ICE1: variants seen among roughly 807,000 people sequenced by gnomAD.
ICE1 encodes little elongation complex subunit 1.
A neutral mutation model predicts 192.7 loss-of-function variants in ICE1; 64 were observed. That is an observed-to-expected ratio of 0.33 (90% CI 0.27 to 0.41). ICE1 has a LOEUF of 0.41. Among genes scored for constraint, ICE1 ranks in the 10% least tolerant of loss-of-function variants. The pLI, the probability that ICE1 is intolerant of heterozygous loss-of-function variation, is 1.00. For synonymous variants in ICE1, 1,010 were observed against 984.5 expected, an observed-to-expected ratio of 1.03 and a Z score of -0.49; for missense variants, 2,708 against 2,696.0, an observed-to-expected ratio of 1.00 and a Z score of -0.10.
intron 7 of ICE1, 136 bp from the exon 8 acceptor site, chr5:5,447,291 C>T: frequency 1.6e-6 from 1 of 634,996 alleles, no homozygotes. Context: ...GGAGCAATGG[C>T]TTTTTACGAA....
At chr5:5,488,566 A>G (rs1739689317) in intron 18 of ICE1, among the ~76,000 whole-genome samples, 1 of 152,228 alleles carries the variant, frequency 6.6e-6, no homozygotes, top group East Asian at 1.9e-4. Flanking sequence ...TGAAATTTTC[A>G]TAACTCTGAA....
In ICE1 at chr5:5,464,877, T is replaced by G. The variant is rs527778383; in HGVS notation, c.5543T>G (p.Leu1848Arg). Reference sequence around the variant, plus strand: ...TCTACACTGAGAAGTGCTAAAAGACTGCGCCTGGACACTGGGTCCCCAGAA... The same window carrying G: ...TCTACACTGAGAAGTGCTAAAAGACGGCGCCTGGACACTGGGTCCCCAGAA... ...STSTLRSAKR[L>R]RLDTGSPEPE... is the part of the protein sequence containing the mutation. The change falls in exon 13 of 19, where the codon CTG (leucine) becomes CGG (arginine). Residue 1848 changes from leucine (L) to arginine (R), a missense_variant. Around this residue, in one of 2 missense-constraint regions of ICE1, gnomAD observed 2,366 missense variants for 2,276.6 expected, o/e 1.04. Coordinates refer to ENST00000296564, the MANE Select transcript of ICE1 (RefSeq NM_015325.3). The surrounding 1 kb of genome is among the most constrained non-coding windows in gnomAD (Gnocchi z 4.0). The G allele has an allele frequency of 6.2e-6, 10 of 1,613,176 alleles. No individual in the cohort carries two copies. The highest frequency in any genetic ancestry group is 5.5e-5 in the South Asian group (5 of 90,892).
chr5:5,422,968 C>G lies in ICE1; in HGVS notation c.53C>G (p.Ser18Trp), dbSNP rs1325652942. Residue 18 changes from serine to tryptophan, a missense_variant, in exon 1 of 19, where the codon TCG becomes TGG. Coordinates refer to ENST00000296564, the MANE Select transcript of ICE1 (RefSeq NM_015325.3). ...GCGCCCGGGACGGCGGCGGACCTGT[C>G]GCGATGTCAGGGCTGCGCCTCTCTG... The part of the protein sequence containing the change: ...SAAPGTAADL[S>W]RCQGCASLQQ... 6.9e-7 allele frequency: 1 copy of G among 1,455,540 alleles called. No homozygotes were observed. The highest frequency in any genetic ancestry group is 1.5e-5 in the African/African-American group (1 of 68,060). The allele number at this position is 1,455,540 out of a possible 1,614,324, so 90.2% of individuals were successfully genotyped here. A position where few individuals can be genotyped will look rare whatever the true frequency, so the allele number is the denominator to read the frequency against.
intron 1 of ICE1, among the ~76,000 whole-genome samples, chr5:5,424,163 G>C (rs143612405): frequency 5.6e-4 from 85 of 152,326 alleles, no homozygotes; most frequent in African/African-American, 2.0e-3. Context: ...GCACACGGAA[G>C]ATGGTTGATG....
chr5:5,432,638 A>G (rs115473625), intron 1 of ICE1, among the ~76,000 whole-genome samples: 2,526 of 152,314 alleles, frequency 0.017, 30 homozygotes, highest in Non-Finnish European at 0.024. Flanking sequence ...CCAGCAATGT[A>G]TGAGGAATGT....
At chr5:5,478,521 A>G (rs564051647) in intron 17 of ICE1, among the ~76,000 whole-genome samples, 113 of 152,344 alleles carry the variant, frequency 7.4e-4, no homozygotes, top group African/African-American at 2.7e-3. Flanking sequence ...AAATAACCAC[A>G]CTGCCCAAAG....
At chr5:5,428,836 T>C (rs1456512942) in intron 1 of ICE1, among the ~76,000 whole-genome samples, 1 of 152,222 alleles carries the variant, frequency 6.6e-6, no homozygotes, top group Non-Finnish European at 1.5e-5. Context: ...TTGTCTTTCA[T>C]GTTTGTGAAA....
Position 5,489,261 on chromosome 5 carries a change from A to G in ICE1, c.6732A>G (p.Lys2244=), listed in dbSNP as rs778191499. 1.2e-6 allele frequency: 2 copies of G among 1,613,820 alleles called. No homozygotes were observed. The highest frequency in any genetic ancestry group is 3.3e-5 in the Admixed American group (2 of 60,014). ...ILEAWRREAS[K]SVPSAIVSCL... ...AAGCTTGGCGGAGAGAGGCCTCCAA[A>G]AGCGTTCCGTCTGCGATTGTCAGCT... Residue 2244 remains lysine, a synonymous_variant, in exon 19 of 19, where the codon AAA becomes AAG. Coordinates refer to ENST00000296564, the MANE Select transcript of ICE1 (RefSeq NM_015325.3).
At chr5:5,458,171 G>A (rs1178183149) in intron 12 of ICE1, among the ~76,000 whole-genome samples, 2 of 152,196 alleles carry the variant, frequency 1.3e-5, no homozygotes, top group African/African-American at 4.8e-5. Flanking sequence ...TCATCATCTT[G>A]TGTGTTTGCG....
chr5:5,460,637 A>G lies in ICE1; in HGVS notation c.1303A>G (p.Asn435Asp), dbSNP rs1471080485. ...AIQALNTWEV[N>D]KVTTSGLETF... is the part of the protein sequence containing the mutation. ...CCAAGCTCTGAATACATGGGAAGTA[A>G]ATAAAGTGACAACTTCTGGACTCGA... Residue 435 changes from asparagine (N) to aspartate (D), a missense_variant, in exon 13 of 19, where the codon AAT becomes GAT. Transcript: ENST00000296564. The G allele has an allele frequency of 2.5e-6, 4 of 1,613,878 alleles. No homozygotes were observed. Among genetic ancestry groups the G allele is most frequent in the Non-Finnish European group, 3.4e-6 (4 of 1,179,850 alleles).
intron 16 of ICE1, among the ~76,000 whole-genome samples, chr5:5,474,025 A>AC: frequency 6.6e-6 from 1 of 152,094 alleles, no homozygotes; most frequent in Non-Finnish European, 1.5e-5. Context: ...CCTGGCTAAC[A>AC]TGATGAAACC....
chr5:5,444,383 T>C (rs540107570), intron 7 of ICE1, 57 bp downstream of exon 7: 32 of 1,178,590 alleles, frequency 2.7e-5, no homozygotes, highest in Non-Finnish European at 3.7e-5. Context: ...CACTGGTAAC[T>C]GTATGAGGAG....
In ICE1 at chr5:5,457,732, A is replaced by G; in HGVS notation, c.1092A>G (p.Ser364=). The G allele has an allele frequency of 1.2e-6, 2 of 1,609,982 alleles. No homozygotes were observed. The highest frequency in any genetic ancestry group is 1.7e-6 in the Non-Finnish European group (2 of 1,177,104). ...CTCACCCGGGTTCCTTACCGTCTTCATTTGCACCTGTGAGTTTTGCTCTCT... is the reference window on the plus strand; with the variant it reads ...CTCACCCGGGTTCCTTACCGTCTTCGTTTGCACCTGTGAGTTTTGCTCTCT... ...SSPHPGSLPS[S]FAPETYFGEY... is the part of the protein sequence containing the mutation. Residue 364 remains serine (S), a synonymous_variant, in exon 12 of 19, where the codon TCA becomes TCG. Coordinates refer to ENST00000296564, the MANE Select transcript of ICE1 (RefSeq NM_015325.3).
chr5:5,425,598 G>A (rs1737496417), intron 1 of ICE1, among the ~76,000 whole-genome samples: 2 of 152,178 alleles, frequency 1.3e-5, no homozygotes, highest in South Asian at 4.1e-4. Context: ...CTGTAGTTGT[G>A]CAAAGTGAGT....
chr5:5,436,284 A>C, intron 1 of ICE1, 134 bp from the exon 2 acceptor site: 1 of 556,970 alleles, frequency 1.8e-6, no homozygotes, highest in South Asian at 2.9e-5. Context: ...TGCTCTACAC[A>C]ATATAAGTAA....
intron 7 of ICE1, 135 bp downstream of exon 7, chr5:5,444,461 G>C: frequency 3.3e-6 from 2 of 602,384 alleles, no homozygotes; most frequent in South Asian, 4.9e-5. Context: ...ACTGCATCAA[G>C]GGGTCTATTA....
At chr5:5,423,971 G>A (rs1395447473) in intron 1 of ICE1, among the ~76,000 whole-genome samples, 1 of 149,874 alleles carries the variant, frequency 6.7e-6, no homozygotes, top group Non-Finnish European at 1.5e-5. Context: ...AGAGTAGTCA[G>A]GTAGGGAATT....
chr5:5,448,932 A>C (rs891621909), intron 10 of ICE1, among the ~76,000 whole-genome samples: 1 of 152,230 alleles, frequency 6.6e-6, no homozygotes, highest in Admixed American at 6.5e-5. Flanking sequence ...ACTTTAAGTA[A>C]TAGTTACTGC....
chr5:5,452,835 T>C (rs1561083092), intron 10 of ICE1, among the ~76,000 whole-genome samples: 3 of 152,094 alleles, frequency 2.0e-5, no homozygotes, highest in Non-Finnish European at 4.4e-5. Flanking sequence ...TAAATAAATA[T>C]GTAAGTCCTT....
Sources: gnomAD v4.1 joint callset for allele counts (sites outside exome capture counted in the v4.1 genomes callset) on GRCh38, gnomAD v4.1.1 for gene constraint, gnomAD v4.1.1 regional missense constraint, Gnocchi (gnomAD v3.1) non-coding constraint, MANE v1.5 for transcripts, NCBI Gene and HGNC (gene_info 2026-07-23, HGNC 2026-07-21) for gene names.